The following FHIT variants were observed in gnomAD, a reference collection of about 807,000 sequenced individuals.
The protein encoded by FHIT is bis(5'-adenosyl)-triphosphatase.
A neutral mutation model predicts 17.9 loss-of-function variants in FHIT; 19 were observed. The ratio of observed to expected loss-of-function variants is 1.06; its 90% CI spans 0.74 to 1.56. The LOEUF (loss-of-function observed/expected upper bound fraction) is 1.56, where lower values mean the gene tolerates loss of function less well. Ranked by LOEUF, FHIT falls within the 40% of genes most tolerant of loss-of-function variation. The pLI is 0.00. For synonymous variants in FHIT, 81 were observed against 69.7 expected, an observed-to-expected ratio of 1.16 and a Z score of -0.81; for missense variants, 248 against 189.2, an observed-to-expected ratio of 1.31 and a Z score of -1.82.
At chr3:60,258,063 A>C (rs1416895400) in intron 5 of FHIT, among the ~76,000 whole-genome samples, 4 of 52,126 alleles carry the variant, frequency 7.7e-5, no homozygotes, top group Non-Finnish European at 1.6e-4. Context: ...TTGGAAATTA[A>C]ATACACACAC....
chr3:61,041,337 A>C (rs2033504191), intron 3 of FHIT, among the ~76,000 whole-genome samples: 1 of 152,008 alleles, frequency 6.6e-6, no homozygotes, highest in African/African-American at 2.4e-5. Flanking sequence ...AGATCACGCC[A>C]CTGCACTGCA....
chr3:60,210,751 T>C (rs1376547775), intron 5 of FHIT, among the ~76,000 whole-genome samples: 1 of 152,126 alleles, frequency 6.6e-6, no homozygotes, highest in African/African-American at 2.4e-5. Flanking sequence ...CAATATAGTA[T>C]GTTGGCCAGA....
intron 3 of FHIT, among the ~76,000 whole-genome samples, chr3:60,918,620 A>G (rs892178334): frequency 1.3e-5 from 2 of 152,182 alleles, no homozygotes; most frequent in African/African-American, 4.8e-5. Flanking sequence ...AGATCTGGGA[A>G]AGGAAACCAG....
In FHIT at chr3:60,763,114, G is replaced by C. The variant is rs1476734479; in HGVS notation, c.-18+58805C>G. Among the ~76,000 whole-genome samples the C allele has an allele frequency of 1.3e-5, 2 of 152,052 alleles. 1 individual carries two copies. On this transcript the variant is annotated intron_variant, in intron 4 of 9. Transcript: ENST00000492590. Reference sequence around the variant, plus strand: ...AGGTGTCTGTGACCCTCAGCTTCCAGATCTACAAAATGGGAATATGAGTAC... The same window carrying C: ...AGGTGTCTGTGACCCTCAGCTTCCACATCTACAAAATGGGAATATGAGTAC...
intron 5 of FHIT, among the ~76,000 whole-genome samples, chr3:60,458,204 C>T (rs2032233846): frequency 6.6e-6 from 1 of 152,112 alleles, no homozygotes; most frequent in East Asian, 1.9e-4. Context: ...CAATGATAGA[C>T]TGGATTAAGA....
chr3:60,761,640 T>G (rs1213539477), intron 4 of FHIT, among the ~76,000 whole-genome samples: 4 of 151,008 alleles, frequency 2.6e-5, no homozygotes, highest in Non-Finnish European at 5.9e-5. Context: ...TTTTTTTCAT[T>G]CCTAGACACC....
chr3:60,436,893 G>T (rs1327234578), intron 5 of FHIT, among the ~76,000 whole-genome samples: 1 of 152,072 alleles, frequency 6.6e-6, no homozygotes, highest in Non-Finnish European at 1.5e-5. Flanking sequence ...TTATTGGTCT[G>T]AGGTTCTTTT....
chr3:60,824,946 AACTG>A (rs1181917343), intron 3 of FHIT, among the ~76,000 whole-genome samples: 3 of 152,202 alleles, frequency 2.0e-5, no homozygotes, highest in Admixed American at 1.3e-4. Context: ...GCAGCATGAA[AACTG>A]ACTAATACTC....
intron 3 of FHIT, among the ~76,000 whole-genome samples, chr3:60,854,638 G>C (rs9839366): frequency 0.029 from 4,141 of 144,458 alleles, 174 homozygotes; most frequent in African/African-American, 0.099. Context: ...CTCCAAGTTT[G>C]ACACATTCTC....
intron 7 of FHIT, among the ~76,000 whole-genome samples, chr3:59,939,974 G>A (rs1158109065): frequency 6.6e-6 from 1 of 152,150 alleles, no homozygotes; most frequent in Non-Finnish European, 1.5e-5. Context: ...AAGTGACATG[G>A]AAGGTTCAGG....
intron 8 of FHIT, among the ~76,000 whole-genome samples, chr3:59,853,918 G>A (rs992861108): frequency 3.9e-5 from 6 of 151,996 alleles, no homozygotes; most frequent in Non-Finnish European, 7.4e-5. Context: ...GTGCTCCTTC[G>A]TTGCAATCCA....
chr3:61,227,804 T>A (rs1400133944), intron 1 of FHIT, among the ~76,000 whole-genome samples: 1 of 152,156 alleles, frequency 6.6e-6, no homozygotes, highest in East Asian at 1.9e-4. Context: ...GTTTGCCCTT[T>A]CTACTAAAGC....
At chr3:59,954,591 TGGA>T (rs1707301320) in intron 7 of FHIT, among the ~76,000 whole-genome samples, 1 of 152,062 alleles carries the variant, frequency 6.6e-6, no homozygotes, top group East Asian at 1.9e-4. Flanking sequence ...GCCCTCCAGG[TGGA>T]GGAACAGCCT....
intron 4 of FHIT, among the ~76,000 whole-genome samples, chr3:60,681,221 A>G (rs2040739721): frequency 6.6e-6 from 1 of 152,168 alleles, no homozygotes; most frequent in Admixed American, 6.5e-5. Flanking sequence ...ATTTCAAACT[A>G]ATTCATTATT....
chr3:59,851,657 C>T (rs1701940230), intron 8 of FHIT, among the ~76,000 whole-genome samples: 1 of 152,188 alleles, frequency 6.6e-6, no homozygotes, highest in Non-Finnish European at 1.5e-5. Context: ...TTATTACATT[C>T]ATTCGTGTTC....
intron 5 of FHIT, among the ~76,000 whole-genome samples, chr3:60,297,692 C>T (rs1459811816): frequency 1.3e-5 from 2 of 152,138 alleles, no homozygotes; most frequent in East Asian, 1.9e-4. Context: ...TCAGAACTTG[C>T]GTAGGGGGCA....
intron 5 of FHIT, among the ~76,000 whole-genome samples, chr3:60,030,792 A>G (rs1394771422): frequency 2.0e-5 from 3 of 152,140 alleles, no homozygotes; most frequent in Non-Finnish European, 4.4e-5. Context: ...TGTCTAAGGG[A>G]ATGACTATTA....
intron 8 of FHIT, among the ~76,000 whole-genome samples, chr3:59,877,990 TTCAAC>T (rs1703240523): frequency 6.6e-6 from 1 of 152,198 alleles, no homozygotes; most frequent in South Asian, 2.1e-4. Flanking sequence ...ACTGCTTACT[TTCAAC>T]TCTTCATTGG....
At chr3:60,118,609 G>A (rs1705090783) in intron 5 of FHIT, among the ~76,000 whole-genome samples, 1 of 151,798 alleles carries the variant, frequency 6.6e-6, no homozygotes, top group Admixed American at 6.6e-5. Context: ...ACTCGCCCAA[G>A]GTCACACAGT....
Sources: gnomAD v4.1 joint callset for allele counts (sites outside exome capture counted in the v4.1 genomes callset) on GRCh38, gnomAD v4.1.1 for gene constraint, MANE v1.5 for transcripts, NCBI Gene and HGNC (gene_info 2026-07-23, HGNC 2026-07-21) for gene names.